Variants in TMEM132D observed in about 807,000 individuals in gnomAD.
TMEM132D encodes mature OL transmembrane protein.
A neutral mutation model predicts 62.3 loss-of-function variants in TMEM132D; 21 were observed. That is an observed-to-expected ratio of 0.34 (90% CI 0.24 to 0.49). TMEM132D has a LOEUF of 0.49. Ranked by LOEUF, TMEM132D falls within the 20% of genes least tolerant of loss-of-function variation. The probability of loss-of-function intolerance (pLI) is 0.99; values close to 1 mark genes in which losing one functional copy is unlikely to be tolerated. For synonymous variants in TMEM132D, 621 were observed against 575.6 expected, an observed-to-expected ratio of 1.08 and a Z score of -1.13; for missense variants, 1,346 against 1,402.8, an observed-to-expected ratio of 0.96 and a Z score of 0.65.
At chr12:129,500,565 G>T (rs1358531057) in intron 3 of TMEM132D, among the ~76,000 whole-genome samples, 1 of 152,218 alleles carries the variant, frequency 6.6e-6, no homozygotes, top group Non-Finnish European at 1.5e-5. Context: ...CCTGGATGGG[G>T]TCTACCTTAG....
intron 1 of TMEM132D, among the ~76,000 whole-genome samples, chr12:129,747,442 TCA>T (rs1444597555): frequency 2.1e-5 from 3 of 142,600 alleles, no homozygotes; most frequent in Non-Finnish European, 4.6e-5. Flanking sequence ...ACACACACTC[TCA>T]GTCACCCTCT....
Position 129,700,439 on chromosome 12 carries a change from A to G in TMEM132D, c.339T>C (p.Pro113=), listed in dbSNP as rs2137227269. 6.2e-7 allele frequency: 1 copy of G among 1,614,144 alleles called. No individual in the cohort carries two copies. The highest frequency in any genetic ancestry group is 1.1e-5 in the South Asian group (1 of 91,084). The change falls in exon 2 of 9, where the codon CCT becomes CCC. Residue 113 remains proline (P), a synonymous_variant. Transcript: ENST00000422113. ...TGTTGGTGAATCCAAATGGGTTGGA[A>G]GGTAGCATTAAATCCTGGGGCACCA... The part of the protein sequence containing the change: ...EQVVPQDLML[P]SNPFGFTNKF...
rs144802882 is a variant in TMEM132D at position 129,597,609 on chromosome 12, T to G, written c.969-66404A>C. 4.2e-3 allele frequency among the ~76,000 whole-genome samples: 636 copies of G among 152,118 alleles called. 2 individuals are homozygous for G. The highest frequency in any genetic ancestry group is 0.014 in the African/African-American group (598 of 41,526). Reference sequence around the variant, plus strand: ...ATGTTCCCTCAGGCAGTCCAAGGACTAAAATATCATTCCCCTAAGTGAAAC... The same window carrying G: ...ATGTTCCCTCAGGCAGTCCAAGGACGAAAATATCATTCCCCTAAGTGAAAC... On this transcript the variant is annotated intron_variant, in intron 2 of 8. Coordinates refer to ENST00000422113, the MANE Select transcript of TMEM132D (RefSeq NM_133448.3).
At chr12:129,747,833 C>A (rs1178460242) in intron 1 of TMEM132D, among the ~76,000 whole-genome samples, 2 of 103,734 alleles carry the variant, frequency 1.9e-5, no homozygotes, top group Non-Finnish European at 4.3e-5. Context: ...ACACTCGACA[C>A]ACATTCAGAC....
chr12:129,678,587 C>T (rs1880697666), intron 2 of TMEM132D, among the ~76,000 whole-genome samples: 1 of 152,070 alleles, frequency 6.6e-6, no homozygotes, highest in Non-Finnish European at 1.5e-5. Context: ...CAAATACCAT[C>T]CCTAAACTTA....
intron 2 of TMEM132D, among the ~76,000 whole-genome samples, chr12:129,573,627 G>A (rs1877579015): frequency 6.6e-6 from 1 of 152,146 alleles, no homozygotes; most frequent in South Asian, 2.1e-4. Flanking sequence ...GTGACTGTGT[G>A]TAGATTTTCT....
intron 1 of TMEM132D, among the ~76,000 whole-genome samples, chr12:129,864,133 C>G (rs148411248): frequency 6.6e-6 from 1 of 152,132 alleles, no homozygotes; most frequent in African/African-American, 2.4e-5. Flanking sequence ...GGGAAGCCAG[C>G]GCCATCTTGT....
intron 1 of TMEM132D, among the ~76,000 whole-genome samples, chr12:129,898,678 C>T (rs1875230945): frequency 6.6e-6 from 1 of 152,200 alleles, no homozygotes; most frequent in Non-Finnish European, 1.5e-5. Context: ...CCAGAGCACA[C>T]CCACAGTGCT....
chr12:129,297,800 C>T (rs534507485), intron 4 of TMEM132D, among the ~76,000 whole-genome samples: 15 of 152,318 alleles, frequency 9.8e-5, no homozygotes, highest in South Asian at 8.3e-4. Context: ...TCAGGCTGCA[C>T]ACCTGTCACA....
chr12:129,874,700 C>CTTTTTTTTT (rs71085583), intron 1 of TMEM132D, among the ~76,000 whole-genome samples: 2 of 117,908 alleles, frequency 1.7e-5, no homozygotes, highest in Admixed American at 9.8e-5. Flanking sequence ...TCACATTTTT[C>CTTTTTTTTT]TTTTTTTTTT....
At chr12:129,586,184 A>T (rs2137130883) in intron 2 of TMEM132D, among the ~76,000 whole-genome samples, 1 of 150,436 alleles carries the variant, frequency 6.6e-6, no homozygotes, top group South Asian at 2.1e-4. Flanking sequence ...TAGGTTGGGG[A>T]CGTCCAGCTG....
chr12:129,291,996 C>CT (rs1413161708), intron 4 of TMEM132D, among the ~76,000 whole-genome samples: 3 of 151,940 alleles, frequency 2.0e-5, no homozygotes, highest in African/African-American at 7.3e-5. Flanking sequence ...GGCAGGAAGC[C>CT]TTTTCATATG....
At chr12:129,247,441 G>T (rs1291746386) in intron 4 of TMEM132D, among the ~76,000 whole-genome samples, 2 of 152,188 alleles carry the variant, frequency 1.3e-5, no homozygotes, top group Non-Finnish European at 2.9e-5. Context: ...AAATGGTATT[G>T]AAATAGGTCA....
chr12:129,693,841 C>A (rs115904939), intron 2 of TMEM132D, among the ~76,000 whole-genome samples: 160 of 152,246 alleles, frequency 1.1e-3, no homozygotes, highest in African/African-American at 3.6e-3. Context: ...GCGATGTATG[C>A]GACGTATGAA....
At chr12:129,344,825 C>T (rs982953148) in intron 3 of TMEM132D, among the ~76,000 whole-genome samples, 2 of 152,036 alleles carry the variant, frequency 1.3e-5, no homozygotes, top group South Asian at 2.1e-4. Context: ...GATTTCCGTC[C>T]GTCTGCTTGC....
intron 3 of TMEM132D, among the ~76,000 whole-genome samples, chr12:129,429,090 A>G (rs1478371212): frequency 3.3e-5 from 5 of 151,710 alleles, no homozygotes; most frequent in Non-Finnish European, 7.4e-5. Context: ...CAAGTTACTC[A>G]CTGTAGTCCA....
At chr12:129,365,828 A>C (rs2135677136) in intron 3 of TMEM132D, among the ~76,000 whole-genome samples, 1 of 152,230 alleles carries the variant, frequency 6.6e-6, no homozygotes, top group Middle Eastern at 3.4e-3. Flanking sequence ...AGAGGAGCTG[A>C]ATGGAGGCTG....
At chr12:129,567,835 T>G (rs561616133) in intron 2 of TMEM132D, among the ~76,000 whole-genome samples, 2 of 152,214 alleles carry the variant, frequency 1.3e-5, no homozygotes, top group Non-Finnish European at 2.9e-5. Context: ...AACAAATGAC[T>G]TTGCAGAATC....
chr12:129,513,827 T>A (rs1875578646), intron 3 of TMEM132D, among the ~76,000 whole-genome samples: 1 of 136,242 alleles, frequency 7.3e-6, no homozygotes. Flanking sequence ...TTTATTTATT[T>A]ATTTATTTAT....
Sources: gnomAD v4.1 joint callset for allele counts (sites outside exome capture counted in the v4.1 genomes callset) on GRCh38, gnomAD v4.1.1 for gene constraint, MANE v1.5 for transcripts, NCBI Gene and HGNC (gene_info 2026-07-23, HGNC 2026-07-21) for gene names.